Variants in HEATR4 observed in about 807,000 individuals in gnomAD.
HEATR4 encodes the protein HEAT repeat-containing protein 4.
In HEATR4, 95 loss-of-function variants were observed where a neutral mutation model predicts 108.8. The ratio of observed to expected loss-of-function variants is 0.87; its 90% CI spans 0.74 to 1.04. The LOEUF (loss-of-function observed/expected upper bound fraction) is 1.04. Ranked by LOEUF, HEATR4 falls within the 50% of genes least tolerant of loss-of-function variation. The probability of loss-of-function intolerance (pLI) is 0.00; values close to 1 mark genes in which losing one functional copy is unlikely to be tolerated. For missense variants in HEATR4, 1,152 were observed against 1,253.8 expected, an observed-to-expected ratio of 0.92 and a Z score of 1.23; for synonymous variants, 443 against 459.4, an observed-to-expected ratio of 0.96 and a Z score of 0.46.
chr14:73,569,816 C>A, the HEATR4 span: 2 of 1,600,902 alleles, frequency 1.2e-6, no homozygotes, highest in Admixed American at 3.4e-5. Context: ...GCTACTTCCT[C>A]CCGCCCGGGG....
rs1267738684 is a variant in HEATR4, at chr14:73,492,650, G to T, written c.2844+416C>A. 1 of 1,614,014 alleles carries T rather than the reference G, an allele frequency of 6.2e-7. No individual in the cohort carries two copies. Among genetic ancestry groups the T allele is most frequent in the East Asian group, 2.2e-5 (1 of 44,882 alleles). ...AAACGTGGGGGCCCAGTTGACAACA[G>T]AAACAGAAGTCCATATGCTTCAGGA... On this transcript the variant is annotated intron_variant, in intron 17 of 17. Transcript: ENST00000553558. This position sits in a 1 kb window ranked among gnomAD's most constrained non-coding sequence, Gnocchi z 4.9.
At chr14:73,561,320 C>T (rs1241806349), upstream of HEATR4, among the ~76,000 whole-genome samples, 1 of 150,922 alleles carries the variant, frequency 6.6e-6, no homozygotes, top group Non-Finnish European at 1.5e-5. Context: ...GAGCCAAGAT[C>T]TCGCCATTGT....
At chr14:73,597,381 G>T in the HEATR4 span, among the ~76,000 whole-genome samples, 2 of 151,498 alleles carry the variant, frequency 1.3e-5, no homozygotes, top group Non-Finnish European at 2.9e-5. Context: ...ACCATGCCCG[G>T]CCATTATTTA....
chr14:73,493,052 G>C lies in HEATR4; in HGVS notation c.2844+14C>G. ...CGTTCTTACCTTGATAAGCATCAGT[G>C]TGCTCACATTTACCTTTATCACTGC... is the stretch of plus-strand genomic sequence containing the variant. On this transcript the variant is annotated intron_variant, in intron 17 of 17. Coordinates refer to ENST00000553558, the MANE Select transcript of HEATR4 (RefSeq NM_001220484.1). 2 of 1,597,072 alleles carry C rather than the reference G, an allele frequency of 1.3e-6. No individual in the cohort carries two copies. The highest frequency in any genetic ancestry group is 4.5e-5 in the East Asian group (2 of 44,488).
chr14:73,537,928 C>T, intron 1 of HEATR4: 1 of 1,136,608 alleles, frequency 8.8e-7, no homozygotes, highest in South Asian at 1.7e-5. Context: ...TGTTCCTGCG[C>T]TTTCCACTGT....
rs869167008 is a variant in HEATR4, at chr14:73,535,469, C to CTTTTTTTTTTTTTTTTTTTTTTTTTTT, written c.-151-5252_-151-5226dup. On this transcript the variant is annotated intron_variant, in intron 1 of 17. Coordinates refer to ENST00000553558, the MANE Select transcript of HEATR4 (RefSeq NM_001220484.1). ...CCTTTTTCTTTTCTTTTTCTTCTTT[C>CTTTTTTTTTTTTTTTTTTTTTTTTTTT]TTTTTTTTTTTTTTTTTTTTTTTTT... 4.2e-4 allele frequency among the ~76,000 whole-genome samples: 7 copies of CTTTTTTTTTTTTTTTTTTTTTTTTTTT among 16,534 alleles called. 2 individuals are homozygous for CTTTTTTTTTTTTTTTTTTTTTTTTTTT. Among genetic ancestry groups the CTTTTTTTTTTTTTTTTTTTTTTTTTTT allele is most frequent in the Non-Finnish European group, 1.7e-3 (6 of 3,616 alleles). 10.8% of individuals were successfully genotyped at this position (16,534 alleles called of 152,430 possible). A position where few individuals can be genotyped will look rare whatever the true frequency, so the allele number is the denominator to read the frequency against.
chr14:73,629,569 C>A, the HEATR4 span, among the ~76,000 whole-genome samples: 1 of 152,070 alleles, frequency 6.6e-6, no homozygotes, highest in Non-Finnish European at 1.5e-5. Flanking sequence ...TGCAGAGCTG[C>A]ATGAAGGGGA....
chr14:73,514,290 A>G, intron 5 of HEATR4, 56 bp from the exon 6 acceptor site: 4 of 1,496,374 alleles, frequency 2.7e-6, no homozygotes, highest in Non-Finnish European at 3.7e-6. Flanking sequence ...GCCCTGCCAC[A>G]CAGTGGCCCC....
At chr14:73,592,237 T>C in the HEATR4 span, 1 of 1,613,244 alleles carries the variant, frequency 6.2e-7, no homozygotes, top group Non-Finnish European at 8.5e-7. Context: ...TTTTGGCGCT[T>C]CCTGAAGCGG....
chr14:73,621,603 C>T, the HEATR4 span, among the ~76,000 whole-genome samples: 3 of 152,032 alleles, frequency 2.0e-5, no homozygotes, highest in African/African-American at 7.3e-5. Context: ...TTTCTGAGTA[C>T]GTACAAAATC....
rs1350251001 is a variant in HEATR4, at chr14:73,546,062, A to G, written c.-152+12689T>C. 2.7e-5 allele frequency among the ~76,000 whole-genome samples: 3 copies of G among 111,754 alleles called. 1 individual carries two copies. Among genetic ancestry groups the G allele is most frequent in the African/African-American group, 8.7e-5 (3 of 34,510 alleles). 73.3% of individuals were successfully genotyped at this position (111,754 alleles called of 152,430 possible). The stretch of plus-strand genomic sequence containing the variant: ...AATGGCTTGATCTCGGCTCACTGCA[A>G]CCTCCGCCTCCTGGGTTCACGTGAT... On this transcript the variant is annotated intron_variant, in intron 1 of 17. Transcript: ENST00000553558.
At chr14:73,611,233 A>T in the HEATR4 span, among the ~76,000 whole-genome samples, 5 of 152,082 alleles carry the variant, frequency 3.3e-5, no homozygotes, top group African/African-American at 1.2e-4. Flanking sequence ...CCACCCTGCT[A>T]TGTTCCCAGC....
chr14:73,625,198 T>TA, the HEATR4 span, among the ~76,000 whole-genome samples: 1 of 151,094 alleles, frequency 6.6e-6, no homozygotes, highest in Non-Finnish European at 1.5e-5. Flanking sequence ...GGCTGGGACT[T>TA]ACAGGTGTGC....
chr14:73,552,670 C>T lies in HEATR4; in HGVS notation c.-152+6081G>A, dbSNP rs1031242205. Among the ~76,000 whole-genome samples the T allele has an allele frequency of 2.7e-5, 3 of 111,640 alleles. 1 individual carries two copies. The highest frequency in any genetic ancestry group is 1.0e-4 in the African/African-American group (3 of 28,814). 73.2% of individuals were successfully genotyped at this position (111,640 alleles called of 152,430 possible). A position where few individuals can be genotyped will look rare whatever the true frequency, so the allele number is the denominator to read the frequency against. The stretch of plus-strand genomic sequence containing the variant: ...AACCTCCCCATGTCCCAACCACTGT[C>T]AACCCCAACTTAGACCAGTGCATCC... On this transcript the variant is annotated intron_variant, in intron 1 of 17. Transcript: ENST00000553558.
At chr14:73,612,963 G>C in the HEATR4 span, 1 of 1,214,290 alleles carries the variant, frequency 8.2e-7, no homozygotes, top group Non-Finnish European at 1.1e-6. Context: ...GACTTTCTCC[G>C]GCCGGGGGTG....
At chr14:73,564,946 CCTG>C in the HEATR4 span, among the ~76,000 whole-genome samples, 1 of 151,878 alleles carries the variant, frequency 6.6e-6, no homozygotes, top group Admixed American at 6.6e-5. Flanking sequence ...TGTTCTCTAA[CCTG>C]CTTTTTTCAT....
the HEATR4 span, among the ~76,000 whole-genome samples, chr14:73,617,679 A>C: frequency 1.3e-5 from 2 of 152,128 alleles, no homozygotes; most frequent in African/African-American, 4.8e-5. Context: ...ATTAATGTAA[A>C]TGTATATAGA....
At chr14:73,522,174 A>T in intron 3 of HEATR4, 98 bp downstream of exon 3, 3 of 1,244,798 alleles carry the variant, frequency 2.4e-6, no homozygotes, top group Non-Finnish European at 3.4e-6. Flanking sequence ...AGTTGATGGG[A>T]GAGTGCATTC....
At chr14:73,495,166 C>G (rs947005922) in intron 16 of HEATR4, 62 bp downstream of exon 16, 1 of 1,476,064 alleles carries the variant, frequency 6.8e-7, no homozygotes, top group Admixed American at 1.9e-5. Context: ...CCAAAACATC[C>G]AGATCCTGGA....
Sources: gnomAD v4.1 joint callset for allele counts (sites outside exome capture counted in the v4.1 genomes callset) on GRCh38, gnomAD v4.1.1 for gene constraint, Gnocchi (gnomAD v3.1) non-coding constraint, MANE v1.5 for transcripts, NCBI Gene and HGNC (gene_info 2026-07-23, HGNC 2026-07-21) for gene names.